LDAH: variants seen among roughly 807,000 people sequenced by gnomAD.
LDAH encodes the protein lipid droplet associated hydrolase.
LDAH carries 26 observed loss-of-function variants against 29.6 expected under a neutral mutation model. The ratio of observed to expected loss-of-function variants is 0.88; its 90% CI spans 0.64 to 1.22. LDAH has a LOEUF of 1.22. LDAH is among the 50% of genes most tolerant of loss of function. The pLI is 0.00. For missense variants in LDAH, 344 were observed against 387.3 expected (o/e 0.89, Z 0.94); for synonymous variants, 117 against 133.0 (o/e 0.88, Z 0.83).
chr2:20,777,601 G>A (rs1200718304), intron 3 of LDAH, among the ~76,000 whole-genome samples: 1 of 151,496 alleles, frequency 6.6e-6, no homozygotes, highest in Non-Finnish European at 1.5e-5. Context: ...GTAGAGATGA[G>A]GTTTCACCAT....
chr2:20,784,632 C>T (rs1367746947), intron 3 of LDAH, among the ~76,000 whole-genome samples: 1 of 151,922 alleles, frequency 6.6e-6, no homozygotes, highest in African/African-American at 2.4e-5. Context: ...TGCCTGTAAT[C>T]CCAGCACTTT....
intron 4 of LDAH, among the ~76,000 whole-genome samples, chr2:20,766,693 A>G (rs1669061341): frequency 6.6e-6 from 1 of 152,216 alleles, no homozygotes; most frequent in South Asian, 2.1e-4. Context: ...GAAAATTATT[A>G]TATCTTCTGC....
At chr2:20,819,208 C>T (rs1673070837) in intron 1 of LDAH, among the ~76,000 whole-genome samples, 1 of 143,836 alleles carries the variant, frequency 7.0e-6, no homozygotes. Context: ...CTTGTAATTA[C>T]ACACACAATT....
intron 5 of LDAH, among the ~76,000 whole-genome samples, chr2:20,719,339 A>G (rs893279030): frequency 3.3e-5 from 5 of 151,900 alleles, no homozygotes; most frequent in African/African-American, 1.2e-4. Flanking sequence ...AGAAAGGATC[A>G]CTAGAGACTA....
At chr2:20,788,553 A>C (rs561110483) in intron 3 of LDAH, among the ~76,000 whole-genome samples, 1 of 152,230 alleles carries the variant, frequency 6.6e-6, no homozygotes, top group African/African-American at 2.4e-5. Flanking sequence ...TATAATAACG[A>C]AGACTATAGA....
Position 20,758,373 on chromosome 2 carries a change from T to C in LDAH, c.468+16437A>G, listed in dbSNP as rs1265054094. On this transcript the variant is annotated intron_variant, in intron 4 of 6. Transcript: ENST00000237822. ...TTATAACAATAAAATGGAAATTTTA[T>C]AGGCAAAAAATAGAATAACTAAAAT... Among the ~76,000 whole-genome samples the C allele has an allele frequency of 2.6e-5, 4 of 152,176 alleles. No homozygotes were observed. In the South Asian group the frequency reaches 8.3e-4, roughly 31 times the overall value.
chr2:20,789,919 C>A (rs1363846534), intron 3 of LDAH, among the ~76,000 whole-genome samples: 2 of 152,178 alleles, frequency 1.3e-5, no homozygotes, highest in Non-Finnish European at 2.9e-5. Flanking sequence ...AAAACTGGTT[C>A]CCAGAGGCCA....
At chr2:20,820,679 C>T (rs1673206599) in intron 1 of LDAH, among the ~76,000 whole-genome samples, 2 of 144,246 alleles carry the variant, frequency 1.4e-5, no homozygotes, top group South Asian at 4.6e-4. Context: ...AAAACCTAGG[C>T]AATACCATTC....
chr2:20,690,636 G>A (rs756027663), intron 6 of LDAH, among the ~76,000 whole-genome samples: 9 of 152,018 alleles, frequency 5.9e-5, no homozygotes, highest in Non-Finnish European at 5.9e-5. Flanking sequence ...GGAGAACTCC[G>A]CACCTGCAGC....
intron 5 of LDAH, among the ~76,000 whole-genome samples, chr2:20,729,359 G>A (rs991681895): frequency 1.1e-4 from 17 of 152,170 alleles, no homozygotes; most frequent in African/African-American, 4.1e-4. Flanking sequence ...GACATATTAT[G>A]TATTTAGTAA....
intron 4 of LDAH, among the ~76,000 whole-genome samples, chr2:20,745,103 C>G (rs1456343326): frequency 2.6e-5 from 4 of 152,118 alleles, no homozygotes; most frequent in Admixed American, 6.6e-5. Flanking sequence ...AACCAGAAGT[C>G]CTAATAATAT....
chr2:20,723,601 A>G (rs1385831111), intron 5 of LDAH, among the ~76,000 whole-genome samples: 2 of 151,922 alleles, frequency 1.3e-5, no homozygotes, highest in African/African-American at 4.8e-5. Flanking sequence ...CTAAGCATAT[A>G]TTTTTTTTAA....
chr2:20,818,373 T>C (rs965716436), intron 1 of LDAH, among the ~76,000 whole-genome samples: 2 of 152,144 alleles, frequency 1.3e-5, no homozygotes, highest in Non-Finnish European at 1.5e-5. Context: ...TCTTAGCACA[T>C]AGCCCTATAT....
chr2:20,690,512 A>G (rs181353650), intron 6 of LDAH, among the ~76,000 whole-genome samples: 227 of 152,344 alleles, frequency 1.5e-3, no homozygotes, highest in Admixed American at 3.9e-3. Flanking sequence ...AGGGCTTCCT[A>G]TGAAAGTCTT....
At chr2:20,822,193 C>G (rs893100501) in intron 1 of LDAH, among the ~76,000 whole-genome samples, 2 of 151,670 alleles carry the variant, frequency 1.3e-5, no homozygotes, top group African/African-American at 4.8e-5. Flanking sequence ...GGCGCCATCT[C>G]GGCTCACTGC....
At chr2:20,705,730 T>C (rs1664254992) in intron 5 of LDAH, among the ~76,000 whole-genome samples, 1 of 152,254 alleles carries the variant, frequency 6.6e-6, no homozygotes, top group South Asian at 2.1e-4. Flanking sequence ...GTGCTCTGTA[T>C]ATAAAATGCA....
At chr2:20,808,526 T>C (rs1672243490) in intron 1 of LDAH, among the ~76,000 whole-genome samples, 1 of 151,470 alleles carries the variant, frequency 6.6e-6, no homozygotes, top group Admixed American at 6.6e-5. Flanking sequence ...TAGCCGGGCG[T>C]GGTGGCGGGC....
chr2:20,716,729 C>CATATATATATATAT (rs138849399), intron 5 of LDAH, among the ~76,000 whole-genome samples: 1 of 124,502 alleles, frequency 8.0e-6, no homozygotes, highest in Non-Finnish European at 1.7e-5. Context: ...AGTATATATA[C>CATATATATATATAT]ATATATATAT....
intron 6 of LDAH, among the ~76,000 whole-genome samples, chr2:20,700,515 T>C (rs1663848417): frequency 6.6e-6 from 1 of 151,600 alleles, no homozygotes; most frequent in Non-Finnish European, 1.5e-5. Flanking sequence ...AAAGACATTC[T>C]AAGTCCAGTG....
Sources: gnomAD v4.1 joint callset for allele counts (sites outside exome capture counted in the v4.1 genomes callset) on GRCh38, gnomAD v4.1.1 for gene constraint, MANE v1.5 for transcripts, NCBI Gene and HGNC (gene_info 2026-07-23, HGNC 2026-07-21) for gene names.